Variants in ITPR1 observed in about 807,000 individuals in gnomAD.
The protein encoded by ITPR1 is inositol 1,4,5-trisphosphate-gated calcium channel ITPR1.
A neutral mutation model predicts 318.4 loss-of-function variants in ITPR1; 96 were observed. The ratio of observed to expected loss-of-function variants is 0.30; its 90% confidence interval spans 0.26 to 0.36. The LOEUF is 0.36. ITPR1 is among the 10% of genes least tolerant of loss of function. The probability of loss-of-function intolerance (pLI) is 1.00; values close to 1 mark genes in which losing one functional copy is unlikely to be tolerated. For missense variants in ITPR1, 2,440 were observed against 3,460.2 expected (o/e 0.71, Z 7.40); for synonymous variants, 1,312 against 1,289.9 (o/e 1.02, Z -0.37).
rs1553771553 is a variant in ITPR1, at chr3:4,847,409, A to AAAC, written c.*1184_*1185insAAC. On this transcript the variant is annotated 3_prime_UTR_variant, in exon 62 of 62. Transcript: ENST00000649015. ...GAATCTCTCTGCAAAAAAAAAAAAA[A>AAAC]CAGTTTAAAAATGCATTGAAAGCAG... The AAAC allele has an allele frequency of 6.6e-6, 1 of 151,632 alleles. No homozygotes were observed. 9.4% of individuals were successfully genotyped at this position (151,632 alleles called of 1,614,324 possible).
At chr3:4,675,009 G>T (rs1209281829) in intron 22 of ITPR1, 59 bp from the exon 23 acceptor site, 5 of 900,280 alleles carry the variant, frequency 5.6e-6, no homozygotes, top group Non-Finnish European at 8.8e-6. Flanking sequence ...ACATCAAATG[G>T]AATTGAAGGG....
intron 40 of ITPR1, among the ~76,000 whole-genome samples, chr3:4,720,016 G>A (rs765326757): frequency 2.6e-5 from 4 of 152,166 alleles, no homozygotes; most frequent in Non-Finnish European, 4.4e-5. Context: ...CTGTGTAGCC[G>A]CCACCTAAAT....
intron 55 of ITPR1, among the ~76,000 whole-genome samples, chr3:4,810,574 A>C (rs1437729755): frequency 6.6e-6 from 1 of 152,196 alleles, no homozygotes; most frequent in Admixed American, 6.5e-5. Flanking sequence ...ACCCTGCCCC[A>C]GTCTCTTGAT....
chr3:4,768,022 A>G (rs1230026701), intron 45 of ITPR1, among the ~76,000 whole-genome samples: 1 of 152,250 alleles, frequency 6.6e-6, no homozygotes, highest in African/African-American at 2.4e-5. Flanking sequence ...CTGTAATGCC[A>G]TAACTACCTC....
At chr3:4,718,067 A>G (rs978435314) in intron 40 of ITPR1, among the ~76,000 whole-genome samples, 40 of 152,288 alleles carry the variant, frequency 2.6e-4, no homozygotes, top group African/African-American at 9.4e-4. Flanking sequence ...CGTACCCAGA[A>G]TTACCATGGA....
chr3:4,644,053 A>G (rs2093399066), intron 7 of ITPR1, 83 bp from the exon 8 acceptor site: 1 of 845,978 alleles, frequency 1.2e-6, no homozygotes, highest in South Asian at 1.4e-5. Context: ...GCACAGACTC[A>G]TATGTCTTCT....
chr3:4,670,840 A>C lies in ITPR1; in HGVS notation c.2118A>C (p.Lys706Asn). 6.2e-7 allele frequency: 1 copy of C among 1,611,212 alleles called. No individual in the cohort carries two copies. The change falls in exon 20 of 62, where the codon AAA becomes AAC. Residue 706 changes from lysine to asparagine, a missense_variant. Lys to Asn is a moderately conservative substitution (Grantham distance 94). Around this residue, in one of 23 missense-constraint regions of ITPR1, gnomAD observed 478 missense variants for 696.3 expected, o/e 0.69. Transcript: ENST00000649015. ...GGCTGTTTTGGAGGGACAGCAACAAAGAGATTCGCAGCAAGAGTGTGAGGG... is the reference window on the plus strand; with the variant it reads ...GGCTGTTTTGGAGGGACAGCAACAACGAGATTCGCAGCAAGAGTGTGAGGG... ...EVWLFWRDSN[K>N]EIRSKSVREL... is the part of the protein sequence containing the mutation.
chr3:4,815,466 T>C (rs2049231628), intron 59 of ITPR1, among the ~76,000 whole-genome samples: 1 of 152,170 alleles, frequency 6.6e-6, no homozygotes, highest in South Asian at 2.1e-4. Flanking sequence ...CTGTGTAACA[T>C]CATTTAGTCA....
At position 4,516,546 on chromosome 3, in the gene ITPR1, G is replaced by T; in HGVS notation, c.55G>T (p.Ala19Ser). Residue 19 changes from alanine (A) to serine (S), a missense_variant, in exon 3 of 62, where the codon GCG becomes TCG. Physicochemically the swap from Ala to Ser is moderately conservative, Grantham distance 99. This residue lies in a region of ITPR1 where 186 missense variants were observed against 323.9 expected (regional missense o/e 0.57). Coordinates refer to ENST00000649015, the MANE Select transcript of ITPR1 (RefSeq NM_001378452.1). The stretch of plus-strand genomic sequence containing the variant: ...TATTGGAGACATTTGTTCTCTGTAC[G>T]CGGAGGGATCGACAAATGGATTTAT... ...LHIGDICSLY[A>S]EGSTNGFIST... 1.2e-6 allele frequency: 2 copies of T among 1,605,086 alleles called. No individual in the cohort carries two copies. Among genetic ancestry groups the T allele is most frequent in the East Asian group, 2.3e-5 (1 of 44,374 alleles).
intron 55 of ITPR1, among the ~76,000 whole-genome samples, chr3:4,807,918 T>C (rs755254913): frequency 2.0e-5 from 3 of 152,250 alleles, no homozygotes; most frequent in Non-Finnish European, 4.4e-5. Context: ...CTCTCATCCC[T>C]GCCAAGGGCT....
chr3:4,846,282 G>A lies in ITPR1; in HGVS notation c.*57G>A, dbSNP rs1294425663. 7.6e-6 allele frequency: 9 copies of A among 1,186,004 alleles called. No individual in the cohort carries two copies. The highest frequency in any genetic ancestry group is 1.1e-5 in the Non-Finnish European group (9 of 819,654). 73.5% of individuals were successfully genotyped at this position (1,186,004 alleles called of 1,614,324 possible). The stretch of plus-strand genomic sequence containing the variant: ...TTATAATTATTATTAGTGTGGGTAT[G>A]GCTAATGAGTTCTGATTCACCCACG... On this transcript the variant is annotated 3_prime_UTR_variant, in exon 62 of 62. Transcript: ENST00000649015.
chr3:4,830,240 C>A (rs112695811), intron 60 of ITPR1, among the ~76,000 whole-genome samples: 27,479 of 151,586 alleles, frequency 0.18, 2,890 homozygotes, highest in South Asian at 0.31. Context: ...CCTCCCAAAG[C>A]GCTGGGATTA....
chr3:4,637,075 T>A (rs894332029), intron 5 of ITPR1, among the ~76,000 whole-genome samples: 1 of 152,246 alleles, frequency 6.6e-6, no homozygotes, highest in Non-Finnish European at 1.5e-5. Context: ...AGCTCTTTGA[T>A]CATTTGAGTC....
chr3:4,553,012 C>G (rs1053231669), intron 4 of ITPR1, among the ~76,000 whole-genome samples: 18 of 152,134 alleles, frequency 1.2e-4, no homozygotes, highest in African/African-American at 4.1e-4. Context: ...CCCAGCATCC[C>G]CAACACAAAG....
In ITPR1 at chr3:4,516,239, A is replaced by G. The variant is rs146720199; in HGVS notation, c.-16-237A>G. On this transcript the variant is annotated intron_variant, in intron 2 of 61. Transcript: ENST00000649015. ...AATCTGATTCAGGCATGGTTTTGTT[A>G]GAAACAAATGTTACTGTGGTTGGAA... 3.6e-3 allele frequency among the ~76,000 whole-genome samples: 545 copies of G among 152,332 alleles called. 4 individuals carry two copies. The highest frequency in any genetic ancestry group is 0.011 in the African/African-American group (467 of 41,560).
chr3:4,721,349 A>G (rs1027076261), intron 40 of ITPR1, among the ~76,000 whole-genome samples: 5 of 152,018 alleles, frequency 3.3e-5, no homozygotes, highest in South Asian at 4.1e-4. Context: ...GGAGCTAAAT[A>G]ATTTTTGCTT....
chr3:4,585,903 A>C (rs2089842100), intron 4 of ITPR1, among the ~76,000 whole-genome samples: 2 of 152,032 alleles, frequency 1.3e-5, no homozygotes, highest in South Asian at 4.2e-4. Flanking sequence ...ATTTCTCCTA[A>C]TGTTACCCCT....
At chr3:4,702,308 G>A (rs1198072885) in intron 35 of ITPR1, among the ~76,000 whole-genome samples, 2 of 152,164 alleles carry the variant, frequency 1.3e-5, no homozygotes, top group Non-Finnish European at 2.9e-5. Flanking sequence ...TGAAGACCTT[G>A]CCAGAAATAA....
chr3:4,808,998 G>A (rs909990918), intron 55 of ITPR1, among the ~76,000 whole-genome samples: 19 of 152,334 alleles, frequency 1.2e-4, no homozygotes, highest in African/African-American at 4.3e-4. Flanking sequence ...AATCCAGATG[G>A]TCAGTAAACA....
Sources: allele counts gnomAD v4.1 joint callset (sites outside exome capture counted in the v4.1 genomes callset), GRCh38; gene constraint gnomAD v4.1.1; regional missense constraint gnomAD v4.1.1; transcripts MANE v1.5; gene names NCBI Gene and HGNC (gene_info 2026-07-23, HGNC 2026-07-21).